The following CDYL variants were observed in gnomAD, a reference collection of about 807,000 sequenced individuals.
CDYL encodes the protein chromodomain Y like.
A neutral mutation model predicts 47.3 loss-of-function variants in CDYL; 8 were observed. The ratio of observed to expected loss-of-function variants is 0.17; its 90% confidence interval spans 0.10 to 0.31. The LOEUF (loss-of-function observed/expected upper bound fraction) is 0.31, where lower values mean the gene tolerates loss of function less well. Ranked by LOEUF, CDYL falls within the 10% of genes least tolerant of loss-of-function variation. CDYL has a pLI of 1.00. For synonymous variants in CDYL, 266 were observed against 265.0 expected (o/e 1.00, Z -0.04); for missense variants, 471 against 701.4 (o/e 0.67, Z 3.71).
chr6:4,907,074 C>G (rs1757260686), intron 2 of CDYL, among the ~76,000 whole-genome samples: 1 of 152,226 alleles, frequency 6.6e-6, no homozygotes, highest in Non-Finnish European at 1.5e-5. Flanking sequence ...CTGTGACAGC[C>G]TGGGGTGGCA....
At chr6:4,946,561 G>A (rs192103798) in intron 5 of CDYL, among the ~76,000 whole-genome samples, 5 of 152,286 alleles carry the variant, frequency 3.3e-5, no homozygotes, top group Non-Finnish European at 5.9e-5. Flanking sequence ...GAGGCAGGGC[G>A]CAGGTACTCA....
chr6:4,762,251 C>T (rs937672438), intron 3 of CDYL, among the ~76,000 whole-genome samples: 5 of 152,170 alleles, frequency 3.3e-5, no homozygotes, highest in African/African-American at 1.2e-4. Context: ...TTAATTCTTT[C>T]AAGCCATGAA....
Position 4,910,926 on chromosome 6 carries a change from C to G in CDYL, c.691+18547C>G, listed in dbSNP as rs139259239. 1.6e-4 allele frequency among the ~76,000 whole-genome samples: 25 copies of G among 152,188 alleles called. 1 individual carries two copies. In the East Asian group the frequency reaches 4.7e-3, roughly 28 times the overall value. ...TCGGCTCACTGCAAGCTCCACCTCC[C>G]AGGTTCACGCCATTCTCCTGCCTCA... On this transcript the variant is annotated intron_variant, in intron 2 of 6. Coordinates refer to ENST00000397588, the MANE Select transcript of CDYL (RefSeq NM_004824.4).
intron 3 of CDYL, among the ~76,000 whole-genome samples, chr6:4,740,220 TCTC>T (rs994777224): frequency 1.3e-5 from 2 of 152,162 alleles, no homozygotes; most frequent in South Asian, 2.1e-4. Context: ...ACTGGTGGCT[TCTC>T]CTCATCCCAC....
chr6:4,723,677 G>T (rs1466547200), intron 2 of CDYL, among the ~76,000 whole-genome samples: 2 of 152,168 alleles, frequency 1.3e-5, no homozygotes, highest in Non-Finnish European at 2.9e-5. Context: ...AAGGGGGCTT[G>T]TTGATGGAGT....
At chr6:4,887,262 C>T (rs375846855) in intron 1 of CDYL, among the ~76,000 whole-genome samples, 7 of 152,212 alleles carry the variant, frequency 4.6e-5, no homozygotes, top group African/African-American at 1.4e-4. Flanking sequence ...ATAAGAGTTA[C>T]GTCGAATCTA....
At chr6:4,898,609 G>T (rs182068795) in intron 2 of CDYL, among the ~76,000 whole-genome samples, 2 of 152,124 alleles carry the variant, frequency 1.3e-5, no homozygotes, top group African/African-American at 4.8e-5. Flanking sequence ...GTATCCTCAG[G>T]CAGAATGATG....
In CDYL at chr6:4,930,450, T is replaced by G. The variant is rs146854643; in HGVS notation, c.692-5065T>G. 1.6e-3 allele frequency among the ~76,000 whole-genome samples: 242 copies of G among 152,370 alleles called. 1 individual carries two copies. Among genetic ancestry groups the G allele is most frequent in the African/African-American group, 5.3e-3 (222 of 41,592 alleles). ...TGTCTGGGTTTCCCATCCCTGCACCTGCACTGTGGCAGCTGCTTTCGGTGG... is the reference window on the plus strand; with the variant it reads ...TGTCTGGGTTTCCCATCCCTGCACCGGCACTGTGGCAGCTGCTTTCGGTGG... On this transcript the variant is annotated intron_variant, in intron 2 of 6. Coordinates refer to ENST00000397588, the MANE Select transcript of CDYL (RefSeq NM_004824.4).
intron 1 of CDYL, among the ~76,000 whole-genome samples, chr6:4,885,957 GTC>G (rs1761890112): frequency 6.6e-6 from 1 of 152,088 alleles, no homozygotes; most frequent in Non-Finnish European, 1.5e-5. Context: ...TCTATTTTCT[GTC>G]TCTATAAAAT....
rs1297808573 is a variant in CDYL at position 4,794,464 on chromosome 6, G to A, written c.24+17657G>A. Reference sequence around the variant, plus strand: ...GGATTTAGAGGTGGTGATTATGGGCGACTCCTCGGAAGGGTTTCATGGAAA... The same window carrying A: ...GGATTTAGAGGTGGTGATTATGGGCAACTCCTCGGAAGGGTTTCATGGAAA... On this transcript the variant is annotated intron_variant, in intron 1 of 6. Transcript: ENST00000397588. Among the ~76,000 whole-genome samples the A allele has an allele frequency of 2.6e-5, 4 of 152,110 alleles. No homozygotes were observed. In the East Asian group the frequency reaches 5.8e-4, roughly 22 times the overall value.
At chr6:4,786,142 C>T (rs1278225997) in intron 1 of CDYL, among the ~76,000 whole-genome samples, 1 of 152,178 alleles carries the variant, frequency 6.6e-6, no homozygotes, top group African/African-American at 2.4e-5. Context: ...CAGGAATTCT[C>T]CTAAGGAGGT....
chr6:4,861,208 A>G (rs1009146570), intron 1 of CDYL, among the ~76,000 whole-genome samples: 19 of 152,238 alleles, frequency 1.2e-4, no homozygotes, highest in African/African-American at 4.1e-4. Context: ...GGCTATGTGT[A>G]TGGCGTATAC....
chr6:4,885,353 T>C (rs1317259326), intron 1 of CDYL, among the ~76,000 whole-genome samples: 4 of 152,202 alleles, frequency 2.6e-5, no homozygotes, highest in Non-Finnish European at 5.9e-5. Flanking sequence ...TATGTTGTCT[T>C]GATGTGTCTT....
At chr6:4,953,631 C>T (rs1758776660) in intron 6 of CDYL, among the ~76,000 whole-genome samples, 1 of 152,192 alleles carries the variant, frequency 6.6e-6, no homozygotes, top group African/African-American at 2.4e-5. Context: ...GGCAGTGGCG[C>T]GGGGCCGAGG....
chr6:4,841,185 T>C (rs1760478367), intron 1 of CDYL, among the ~76,000 whole-genome samples: 1 of 152,204 alleles, frequency 6.6e-6, no homozygotes, highest in African/African-American at 2.4e-5. Flanking sequence ...CTAGGTTTTT[T>C]AGTTTATGTG....
chr6:4,753,843 CTT>C (rs1758035229), intron 3 of CDYL, among the ~76,000 whole-genome samples: 1 of 152,196 alleles, frequency 6.6e-6, no homozygotes, highest in Non-Finnish European at 1.5e-5. Flanking sequence ...CCTCTTCCCT[CTT>C]TGCTCTGGCC....
intron 1 of CDYL, among the ~76,000 whole-genome samples, chr6:4,813,936 ATTTTT>A (rs10545664): frequency 1.6e-5 from 2 of 122,846 alleles, no homozygotes; most frequent in African/African-American, 5.7e-5. Context: ...TGCCTGGCTA[ATTTTT>A]TTTTTTTTTT....
chr6:4,872,934 C>T (rs1042994704), intron 1 of CDYL, among the ~76,000 whole-genome samples: 1 of 152,188 alleles, frequency 6.6e-6, no homozygotes, highest in African/African-American at 2.4e-5. Flanking sequence ...TTCTGTTTAA[C>T]ATTTTTGGTT....
At chr6:4,884,298 G>A (rs997068856) in intron 1 of CDYL, among the ~76,000 whole-genome samples, 3 of 152,180 alleles carry the variant, frequency 2.0e-5, no homozygotes, top group African/African-American at 7.2e-5. Flanking sequence ...TTAGCTGGCT[G>A]GGTCCAGGAT....
Sources: allele counts gnomAD v4.1 joint callset (sites outside exome capture counted in the v4.1 genomes callset), GRCh38; gene constraint gnomAD v4.1.1; transcripts MANE v1.5; gene names NCBI Gene and HGNC (gene_info 2026-07-23, HGNC 2026-07-21).